Variants in CNOT2 observed in about 807,000 individuals in gnomAD.
CNOT2 encodes the protein CC chemokine receptor 4-negative regulator of transcription 2.
CNOT2 carries 7 observed loss-of-function variants against 72.1 expected under a neutral mutation model. The ratio of observed to expected loss-of-function variants is 0.10; its 90% CI spans 0.06 to 0.18. CNOT2 has a LOEUF of 0.18. Among genes scored for constraint, CNOT2 ranks in the 10% least tolerant of loss-of-function variants. CNOT2 has a pLI of 1.00. For synonymous variants in CNOT2, 196 were observed against 225.6 expected, an observed-to-expected ratio of 0.87 and a Z score of 1.17; for missense variants, 345 against 660.3, an observed-to-expected ratio of 0.52 and a Z score of 5.23.
intron 1 of CNOT2, among the ~76,000 whole-genome samples, chr12:70,245,274 A>G (rs545331420): frequency 2.0e-4 from 30 of 152,348 alleles, no homozygotes; most frequent in Admixed American, 1.6e-3. Flanking sequence ...CTTAAAGACA[A>G]AACATGTTCC....
chr12:70,336,700 ACT>A (rs1425768039), intron 8 of CNOT2: 3 of 151,444 alleles, frequency 2.0e-5, no homozygotes, highest in Admixed American at 2.0e-4. Flanking sequence ...CTCAGTTCAG[ACT>A]CTAATGTTTT....
intron 2 of CNOT2, among the ~76,000 whole-genome samples, chr12:70,281,447 T>C (rs1051223103): frequency 1.3e-5 from 2 of 152,224 alleles, no homozygotes; most frequent in African/African-American, 2.4e-5. Flanking sequence ...CTTTCCAAAT[T>C]CTGGCCTCCT....
At chr12:70,308,584 T>TCTCACACACACA (rs550679130) in intron 2 of CNOT2, among the ~76,000 whole-genome samples, 5 of 133,238 alleles carry the variant, frequency 3.8e-5, no homozygotes, top group African/African-American at 1.4e-4. Flanking sequence ...TCTCTCTCTC[T>TCTCACACACACA]CACACACACA....
chr12:70,327,187 G>T (rs1879208438), intron 4 of CNOT2, among the ~76,000 whole-genome samples: 1 of 151,718 alleles, frequency 6.6e-6, no homozygotes. Context: ...GTTTGTTTAT[G>T]GTGGTGAATG....
chr12:70,267,104 A>G (rs1959088419), intron 1 of CNOT2, among the ~76,000 whole-genome samples: 1 of 152,098 alleles, frequency 6.6e-6, no homozygotes, highest in African/African-American at 2.4e-5. Context: ...TTTAGGGATT[A>G]CAATGCACAT....
At chr12:70,287,471 T>C (rs1275514546) in intron 2 of CNOT2, among the ~76,000 whole-genome samples, 3 of 149,888 alleles carry the variant, frequency 2.0e-5, no homozygotes, top group African/African-American at 7.3e-5. Context: ...TGTCTAGTTA[T>C]CTTTTTGTTG....
In CNOT2 at chr12:70,278,273, A is replaced by G; in HGVS notation, c.47A>G (p.Gln16Arg). The G allele has an allele frequency of 1.9e-6, 3 of 1,600,880 alleles. No homozygotes were observed. Among genetic ancestry groups the G allele is most frequent in the Non-Finnish European group, 2.6e-6 (3 of 1,167,994 alleles). Reference protein sequence around the residue: ...GHTLSEKRNYQVTNSMFGASR... With the variant: ...GHTLSEKRNYRVTNSMFGASR... ...ACATTATCTGAGAAAAGAAACTACC[A>G]GGTAAGACCAGTCTTTCTTCTTTTT... The change falls in exon 2 of 16, where the codon CAG becomes CGG. Residue 16 changes from glutamine (Q) to arginine (R), a missense_variant and splice_region_variant. Around this residue, in one of 4 missense-constraint regions of CNOT2, gnomAD observed 157 missense variants for 235.3 expected, o/e 0.67. Transcript: ENST00000229195.
intron 3 of CNOT2, among the ~76,000 whole-genome samples, chr12:70,314,210 T>C (rs1199895919): frequency 1.3e-5 from 2 of 152,138 alleles, no homozygotes; most frequent in East Asian, 3.8e-4. Flanking sequence ...TATAACAAAC[T>C]GCCATGTAAA....
At position 70,329,575 on chromosome 12, in the gene CNOT2, TTATTGATGGACCAGAA is replaced by T; in HGVS notation, c.386+10_386+25del. ...CACGCCTCCATCTCCAAGCAGGTATTTATTGATGGACCAGAATATTTTTCAAAATGTATCTTGGTAG... is the reference window on the plus strand; with the variant it reads ...CACGCCTCCATCTCCAAGCAGGTATTTATTTTTCAAAATGTATCTTGGTAG... On this transcript the variant is annotated splice_donor_region_variant and intron_variant, in intron 5 of 15. Transcript: ENST00000229195. 1 of 1,598,714 alleles carries T rather than the reference TTATTGATGGACCAGAA, an allele frequency of 6.3e-7. No homozygotes were observed. The highest frequency in any genetic ancestry group is 8.6e-7 in the Non-Finnish European group (1 of 1,166,606).
At chr12:70,330,620 CA>C in intron 6 of CNOT2, 151 bp downstream of exon 6, 1 of 462,680 alleles carries the variant, frequency 2.2e-6, no homozygotes, top group South Asian at 5.3e-5. Context: ...TTACCCATCA[CA>C]AAACGATACG....
chr12:70,285,216 G>T (rs368473315), intron 2 of CNOT2, among the ~76,000 whole-genome samples: 3,368 of 143,978 alleles, frequency 0.023, 78 homozygotes, highest in Admixed American at 0.048. Context: ...TTTTGTTTTT[G>T]TTTTTTTTTT....
chr12:70,299,499 T>G (rs1344722225), intron 2 of CNOT2, among the ~76,000 whole-genome samples: 1 of 152,000 alleles, frequency 6.6e-6, no homozygotes, highest in Non-Finnish European at 1.5e-5. Context: ...TTGCGATAGT[T>G]TGCTGAGAAT....
intron 1 of CNOT2, 172 bp downstream of exon 1, chr12:70,243,652 CGA>C (rs1387674845): frequency 7.2e-6 from 1 of 139,306 alleles, no homozygotes; most frequent in African/African-American, 2.7e-5. Flanking sequence ...CGGCTCCAAT[CGA>C]GAGACGGAGA....
intron 1 of CNOT2, chr12:70,244,059 G>A (rs1957738823): frequency 6.6e-6 from 1 of 152,396 alleles, no homozygotes; most frequent in Non-Finnish European, 1.5e-5. Context: ...GTGTTTGCAA[G>A]TGTCAGATGG....
intron 2 of CNOT2, among the ~76,000 whole-genome samples, chr12:70,282,818 A>AT (rs1226341673): frequency 6.6e-6 from 1 of 151,962 alleles, no homozygotes; most frequent in African/African-American, 2.4e-5. Context: ...TTGTGTGGCA[A>AT]TTTTTTGGAA....
At chr12:70,309,863 A>G (rs1036390017) in intron 2 of CNOT2, among the ~76,000 whole-genome samples, 5 of 152,088 alleles carry the variant, frequency 3.3e-5, no homozygotes, top group Non-Finnish European at 5.9e-5. Flanking sequence ...TAAAAATTAA[A>G]ATTAGCACAG....
chr12:70,335,603 A>G (rs1474821624), intron 8 of CNOT2, 40 bp downstream of exon 8: 3 of 1,522,474 alleles, frequency 2.0e-6, no homozygotes, highest in Non-Finnish European at 2.7e-6. Context: ...GAAAGTTTCC[A>G]TTGTATGTGC....
intron 2 of CNOT2, among the ~76,000 whole-genome samples, chr12:70,304,361 G>T (rs999342663): frequency 3.9e-5 from 6 of 152,168 alleles, no homozygotes; most frequent in African/African-American, 1.4e-4. Context: ...TGATGATGGT[G>T]ACGTACAGGT....
At chr12:70,255,895 C>T (rs760924917) in intron 1 of CNOT2, among the ~76,000 whole-genome samples, 2 of 152,062 alleles carry the variant, frequency 1.3e-5, no homozygotes, top group Non-Finnish European at 2.9e-5. Context: ...AGAAGATCTA[C>T]AGATTCTGGT....
Sources: gnomAD v4.1 joint callset for allele counts (sites outside exome capture counted in the v4.1 genomes callset) on GRCh38, gnomAD v4.1.1 for gene constraint, gnomAD v4.1.1 regional missense constraint, MANE v1.5 for transcripts, NCBI Gene and HGNC (gene_info 2026-07-23, HGNC 2026-07-21) for gene names.